Variants in CALN1 observed in about 807,000 individuals in gnomAD.
The protein encoded by CALN1 is calcium-binding protein 8.
A neutral mutation model predicts 30.6 loss-of-function variants in CALN1; 17 were observed. The ratio of observed to expected loss-of-function variants is 0.56; its 90% CI spans 0.38 to 0.83. The LOEUF is 0.83. CALN1 is among the 40% of genes least tolerant of loss of function. CALN1 has a pLI of 0.00. For synonymous variants in CALN1, 156 were observed against 131.4 expected, an observed-to-expected ratio of 1.19 and a Z score of -1.28; for missense variants, 291 against 354.9, an observed-to-expected ratio of 0.82 and a Z score of 1.45.
At chr7:72,386,157 T>C (rs537855369) in intron 2 of CALN1, among the ~76,000 whole-genome samples, 15 of 152,340 alleles carry the variant, frequency 9.8e-5, no homozygotes, top group Middle Eastern at 3.4e-3. Flanking sequence ...TGTATGGAAC[T>C]GTAATTGTGG....
intron 4 of CALN1, among the ~76,000 whole-genome samples, chr7:72,047,013 C>T (rs1218756247): frequency 6.6e-6 from 1 of 152,020 alleles, no homozygotes; most frequent in Non-Finnish European, 1.5e-5. Flanking sequence ...TGCAGTGAGC[C>T]AAGATTGTGC....
chr7:72,250,151 T>C (rs978561116), intron 3 of CALN1, among the ~76,000 whole-genome samples: 6 of 152,208 alleles, frequency 3.9e-5, no homozygotes, highest in Non-Finnish European at 8.8e-5. Context: ...AAAAATTCTA[T>C]CTTAATGCAG....
chr7:72,345,818 C>T (rs1802613863), intron 2 of CALN1, among the ~76,000 whole-genome samples: 1 of 152,122 alleles, frequency 6.6e-6, no homozygotes, highest in Non-Finnish European at 1.5e-5. Context: ...TCTTTACGTA[C>T]CCTAAACGCC....
intron 2 of CALN1, among the ~76,000 whole-genome samples, chr7:72,300,445 A>C (rs991656904): frequency 1.3e-5 from 2 of 152,092 alleles, no homozygotes; most frequent in Admixed American, 6.5e-5. Flanking sequence ...AGAAAAAAAA[A>C]CAGTTAAAAA....
chr7:72,199,708 G>A (rs1217277769), intron 3 of CALN1, among the ~76,000 whole-genome samples: 5 of 152,220 alleles, frequency 3.3e-5, no homozygotes, highest in African/African-American at 1.2e-4. Context: ...TTAGCCAGGC[G>A]TAGTGGTGCA....
intron 5 of CALN1, among the ~76,000 whole-genome samples, chr7:71,921,398 G>C (rs959302023): frequency 7.9e-5 from 12 of 152,118 alleles, no homozygotes; most frequent in African/African-American, 2.7e-4. Context: ...ATATAGATTT[G>C]TTCCTCTTTT....
chr7:72,288,458 G>A (rs1268533294), intron 2 of CALN1, among the ~76,000 whole-genome samples: 3 of 152,072 alleles, frequency 2.0e-5, no homozygotes, highest in East Asian at 1.9e-4. Flanking sequence ...TTAGAACTGT[G>A]TCACTGAATA....
At position 71,997,226 on chromosome 7, in the gene CALN1, C is replaced by T. The variant is rs73187052; in HGVS notation, c.501+26431G>A. The stretch of plus-strand genomic sequence containing the variant: ...CCAGCCTGGGCTACAGAGCAAGATC[C>T]TGTCTCTAAAAAAAAAAAGAAAGAA... On this transcript the variant is annotated intron_variant, in intron 5 of 6. Transcript: ENST00000395275. 4.2e-3 allele frequency among the ~76,000 whole-genome samples: 630 copies of T among 148,906 alleles called. 5 individuals are homozygous for T. Among genetic ancestry groups the T allele is most frequent in the Non-Finnish European group, 7.4e-3 (498 of 67,678 alleles).
At chr7:72,093,389 G>A (rs376340236) in intron 4 of CALN1, among the ~76,000 whole-genome samples, 32 of 152,184 alleles carry the variant, frequency 2.1e-4, no homozygotes, top group African/African-American at 5.5e-4. Context: ...CCGTACACTC[G>A]TACCAGGGAG....
intron 3 of CALN1, among the ~76,000 whole-genome samples, chr7:72,248,353 C>T (rs563607744): frequency 5.3e-5 from 8 of 152,228 alleles, no homozygotes; most frequent in Non-Finnish European, 1.0e-4. Flanking sequence ...CCCACCTTGG[C>T]CTCCCAAAGG....
intron 2 of CALN1, among the ~76,000 whole-genome samples, chr7:72,391,100 T>C (rs908127829): frequency 6.6e-6 from 1 of 152,194 alleles, no homozygotes; most frequent in Non-Finnish European, 1.5e-5. Flanking sequence ...GTTAATCGGC[T>C]TGTGGAGAAT....
Position 72,301,475 on chromosome 7 carries a change from G to A in CALN1, c.120-22665C>T, listed in dbSNP as rs956072518. Among the ~76,000 whole-genome samples, 12 of 152,098 alleles carry A rather than the reference G, an allele frequency of 7.9e-5. 1 individual carries two copies. Among genetic ancestry groups the A allele is most frequent in the Admixed American group, 5.2e-4 (8 of 15,274 alleles). On this transcript the variant is annotated intron_variant, in intron 2 of 6. Transcript: ENST00000395275. ...ATACAAAAATTAGCCTGGCTTGGTGGCGCATGCCTGTAGTCCCAGCTACTC... is the reference window on the plus strand; with the variant it reads ...ATACAAAAATTAGCCTGGCTTGGTGACGCATGCCTGTAGTCCCAGCTACTC...
chr7:71,902,202 T>A (rs1262362442), intron 5 of CALN1, among the ~76,000 whole-genome samples: 1 of 151,086 alleles, frequency 6.6e-6, no homozygotes, highest in East Asian at 1.9e-4. Flanking sequence ...CCAGCCTGGG[T>A]GACAATGCGA....
At chr7:71,805,639 C>CA (rs1330926182) in intron 6 of CALN1, among the ~76,000 whole-genome samples, 1 of 152,116 alleles carries the variant, frequency 6.6e-6, no homozygotes, top group Non-Finnish European at 1.5e-5. Context: ...GACACACACT[C>CA]AGTGTTGATC....
At chr7:72,012,786 A>G (rs1562975827) in intron 5 of CALN1, among the ~76,000 whole-genome samples, 1 of 151,982 alleles carries the variant, frequency 6.6e-6, no homozygotes, top group Non-Finnish European at 1.5e-5. Flanking sequence ...TTTTGATTTT[A>G]GGCTTTATTT....
chr7:72,267,887 G>T (rs891420656), intron 3 of CALN1, among the ~76,000 whole-genome samples: 4 of 152,156 alleles, frequency 2.6e-5, no homozygotes, highest in Non-Finnish European at 4.4e-5. Flanking sequence ...TGCACTTGTA[G>T]CCTCAGCTAC....
At chr7:72,397,203 A>G (rs1408098473) in intron 2 of CALN1, among the ~76,000 whole-genome samples, 1 of 152,060 alleles carries the variant, frequency 6.6e-6, no homozygotes, top group Non-Finnish European at 1.5e-5. Flanking sequence ...AAGCCATCAT[A>G]CTCAACCCAT....
chr7:72,447,832 CA>C (rs1451961553), upstream of CALN1, among the ~76,000 whole-genome samples: 1 of 151,660 alleles, frequency 6.6e-6, no homozygotes, highest in Admixed American at 6.6e-5. Context: ...CACACATACC[CA>C]CCCGTGTACA....
At chr7:72,325,229 T>A (rs1801187872) in intron 2 of CALN1, among the ~76,000 whole-genome samples, 1 of 152,118 alleles carries the variant, frequency 6.6e-6, no homozygotes, top group South Asian at 2.1e-4. Flanking sequence ...GCCCAGGAAG[T>A]TGAGGCTGCA....
Sources: gnomAD v4.1 joint callset for allele counts (sites outside exome capture counted in the v4.1 genomes callset) on GRCh38, gnomAD v4.1.1 for gene constraint, MANE v1.5 for transcripts, NCBI Gene and HGNC (gene_info 2026-07-23, HGNC 2026-07-21) for gene names.